The following SUGCT variants were observed in gnomAD, a reference collection of about 807,000 sequenced individuals.
SUGCT encodes succinyl-CoA:glutarate-CoA transferase.
SUGCT carries 41 observed loss-of-function variants against 55.0 expected under a neutral mutation model. That is an observed-to-expected ratio of 0.74 (90% CI 0.58 to 0.97). SUGCT has a LOEUF of 0.97. Among genes scored for constraint, SUGCT ranks in the 50% least tolerant of loss-of-function variants. The pLI, the probability that SUGCT is intolerant of heterozygous loss-of-function variation, is 0.00. For synonymous variants in SUGCT, 187 were observed against 200.4 expected, an observed-to-expected ratio of 0.93 and a Z score of 0.56; for missense variants, 568 against 547.8, an observed-to-expected ratio of 1.04 and a Z score of -0.37.
At chr7:40,763,357 G>A (rs967776688) in intron 13 of SUGCT, among the ~76,000 whole-genome samples, 2 of 152,094 alleles carry the variant, frequency 1.3e-5, no homozygotes, top group Admixed American at 1.3e-4. Flanking sequence ...TAAATAGCCC[G>A]AGGAAGGTCA....
At chr7:40,412,546 G>A (rs947192446) in intron 9 of SUGCT, among the ~76,000 whole-genome samples, 5 of 152,046 alleles carry the variant, frequency 3.3e-5, no homozygotes, top group South Asian at 2.1e-4. Context: ...TTGTTTTGTC[G>A]AATTTGTTTA....
At chr7:40,768,640 G>T (rs888268495) in intron 13 of SUGCT, among the ~76,000 whole-genome samples, 3 of 152,156 alleles carry the variant, frequency 2.0e-5, no homozygotes, top group Non-Finnish European at 4.4e-5. Context: ...TGAAGATCAG[G>T]CTGGATGCTT....
intron 1 of SUGCT, among the ~76,000 whole-genome samples, chr7:40,169,126 T>A (rs921764605): frequency 1.3e-5 from 2 of 152,206 alleles, no homozygotes; most frequent in Non-Finnish European, 2.9e-5. Flanking sequence ...ACTTAGAGTC[T>A]GTATATATAT....
At chr7:40,923,211 G>T in the SUGCT span, among the ~76,000 whole-genome samples, 2 of 152,188 alleles carry the variant, frequency 1.3e-5, no homozygotes, top group East Asian at 1.9e-4. Flanking sequence ...TAGGCCCCTT[G>T]GTTCCCTACC....
At chr7:40,624,659 C>T (rs1799430303) in intron 12 of SUGCT, among the ~76,000 whole-genome samples, 1 of 152,070 alleles carries the variant, frequency 6.6e-6, no homozygotes. Context: ...GATGGTTAGA[C>T]TCCTATCACG....
intron 13 of SUGCT, among the ~76,000 whole-genome samples, chr7:40,777,766 A>T (rs1381391346): frequency 6.6e-6 from 1 of 151,814 alleles, no homozygotes; most frequent in African/African-American, 2.4e-5. Flanking sequence ...AGAAACAGAC[A>T]TGTACTTAAG....
intron 12 of SUGCT, among the ~76,000 whole-genome samples, chr7:40,622,528 GTTTTTTTTTT>G (rs370877783): frequency 1.2e-5 from 1 of 81,852 alleles, no homozygotes. Context: ...TGTTGTGGTT[GTTTTTTTTTT>G]TTTTTTTTTT....
intron 8 of SUGCT, among the ~76,000 whole-genome samples, chr7:40,313,812 G>A (rs1795289221): frequency 6.6e-6 from 1 of 151,014 alleles, no homozygotes; most frequent in African/African-American, 2.4e-5. Context: ...GGTGGGTCTC[G>A]AACTCCTGGG....
the SUGCT span, among the ~76,000 whole-genome samples, chr7:40,882,790 C>T: frequency 6.6e-6 from 1 of 152,258 alleles, no homozygotes; most frequent in African/African-American, 2.4e-5. Flanking sequence ...ATAAAAAGTT[C>T]ATCAGAATTG....
chr7:40,554,529 A>G (rs751249922), intron 12 of SUGCT, among the ~76,000 whole-genome samples: 47 of 152,162 alleles, frequency 3.1e-4, no homozygotes, highest in Non-Finnish European at 5.1e-4. Context: ...TCTCTGTACT[A>G]TGTTTTATTG....
At chr7:40,267,684 C>G (rs1051936227) in intron 7 of SUGCT, among the ~76,000 whole-genome samples, 1 of 152,072 alleles carries the variant, frequency 6.6e-6, no homozygotes, top group Non-Finnish European at 1.5e-5. Context: ...ATACACAGCC[C>G]CTTCTCTGAT....
chr7:40,247,912 A>G (rs1270685243), intron 7 of SUGCT, among the ~76,000 whole-genome samples: 2 of 151,896 alleles, frequency 1.3e-5, no homozygotes, highest in East Asian at 1.9e-4. Context: ...TTTATGGTTA[A>G]TGTGTTTTAT....
In SUGCT at chr7:40,580,593, C is replaced by T. The variant is rs148880796; in HGVS notation, c.1089+84207C>T. Among the ~76,000 whole-genome samples the T allele has an allele frequency of 4.3e-3, 651 of 152,254 alleles. 6 individuals carry two copies. The highest frequency in any genetic ancestry group is 0.015 in the African/African-American group (626 of 41,546). ...CCAGGTGGTGTATTTGGCCTTGCCT[C>T]AGTAAGAAATTAGACCATCATGACT... is the stretch of plus-strand genomic sequence containing the variant. On this transcript the variant is annotated intron_variant, in intron 12 of 13. Coordinates refer to ENST00000335693, the MANE Select transcript of SUGCT (RefSeq NM_001193313.2).
At chr7:40,257,618 G>A (rs1176654436) in intron 7 of SUGCT, among the ~76,000 whole-genome samples, 4 of 152,216 alleles carry the variant, frequency 2.6e-5, no homozygotes, top group African/African-American at 9.6e-5. Flanking sequence ...GCTTATGCCT[G>A]TAATCCCAGC....
the SUGCT span, among the ~76,000 whole-genome samples, chr7:41,007,460 C>G: frequency 2.8e-3 from 425 of 152,300 alleles, 2 homozygotes; most frequent in African/African-American, 9.6e-3. Flanking sequence ...ATGACTTCCT[C>G]TCTGACTCTG....
the SUGCT span, among the ~76,000 whole-genome samples, chr7:40,872,982 A>G: frequency 6.6e-6 from 1 of 152,188 alleles, no homozygotes; most frequent in Non-Finnish European, 1.5e-5. Flanking sequence ...ACTGGGTCAC[A>G]GCTGTGCAGC....
At chr7:40,864,499 T>C (rs2128811571), downstream of SUGCT, among the ~76,000 whole-genome samples, 1 of 152,246 alleles carries the variant, frequency 6.6e-6, no homozygotes, top group South Asian at 2.1e-4. Flanking sequence ...GACAGGCTTA[T>C]GTGGTGGGTT....
At chr7:40,274,827 AT>A (rs1445129992) in intron 8 of SUGCT, among the ~76,000 whole-genome samples, 171 bp downstream of exon 8, 1 of 152,122 alleles carries the variant, frequency 6.6e-6, no homozygotes, top group East Asian at 1.9e-4. Flanking sequence ...TTGAGATGGA[AT>A]TTTGCTCTTG....
intron 13 of SUGCT, among the ~76,000 whole-genome samples, chr7:40,849,872 T>G (rs1433554855): frequency 2.6e-5 from 4 of 152,100 alleles, no homozygotes; most frequent in African/African-American, 9.6e-5. Flanking sequence ...TTCATTCCTT[T>G]CAGGGTGGGT....
Sources: gnomAD v4.1 joint callset for allele counts (sites outside exome capture counted in the v4.1 genomes callset) on GRCh38, gnomAD v4.1.1 for gene constraint, MANE v1.5 for transcripts, NCBI Gene and HGNC (gene_info 2026-07-23, HGNC 2026-07-21) for gene names.